SH3GL2: variants seen among roughly 807,000 people sequenced by gnomAD.
The protein encoded by SH3GL2 is SH3 domain containing GRB2 like 2, endophilin A1, also known as endophilin-A1.
In SH3GL2, 24 loss-of-function variants were observed where a neutral mutation model predicts 46.0. That is an observed-to-expected ratio of 0.52 (90% confidence interval 0.38 to 0.73). The LOEUF (loss-of-function observed/expected upper bound fraction) is 0.73, where lower values mean the gene tolerates loss of function less well. Among genes scored for constraint, SH3GL2 ranks in the 30% least tolerant of loss-of-function variants. SH3GL2 has a pLI of 0.00. For missense variants in SH3GL2, 413 were observed against 424.2 expected (o/e 0.97, Z 0.23); for synonymous variants, 196 against 147.1 (o/e 1.33, Z -2.40).
chr9:17,758,840 G>A (rs1391770263), intron 2 of SH3GL2, among the ~76,000 whole-genome samples: 8 of 152,190 alleles, frequency 5.3e-5, no homozygotes, highest in African/African-American at 1.2e-4. Context: ...GCACAAAGTC[G>A]GTAAACATCT....
At chr9:17,723,692 C>T (rs559517143) in intron 1 of SH3GL2, among the ~76,000 whole-genome samples, 8 of 152,200 alleles carry the variant, frequency 5.3e-5, no homozygotes, top group South Asian at 2.1e-4. Flanking sequence ...TGATCTTCTT[C>T]GTCTATTTGC....
At chr9:17,635,349 G>T (rs1262705607) in intron 1 of SH3GL2, among the ~76,000 whole-genome samples, 1 of 152,148 alleles carries the variant, frequency 6.6e-6, no homozygotes, top group Non-Finnish European at 1.5e-5. Context: ...ATTCCATGTT[G>T]TATATGTACC....
rs559333228 is a variant in SH3GL2 at position 17,587,329 on chromosome 9, A to G, written c.45+8042A>G. On this transcript the variant is annotated intron_variant, in intron 1 of 8. Coordinates refer to ENST00000380607, the MANE Select transcript of SH3GL2 (RefSeq NM_003026.5). ...ACAGTGATGGCATCCTGCAGGGGGC[A>G]TTGTGAAATCCCCTGCCTGCCAGTA... 9.2e-4 allele frequency among the ~76,000 whole-genome samples: 140 copies of G among 152,328 alleles called. 1 individual carries two copies. The highest frequency in any genetic ancestry group is 2.8e-3 in the Admixed American group (43 of 15,304).
At chr9:17,718,513 A>C (rs763638181) in intron 1 of SH3GL2, among the ~76,000 whole-genome samples, 2 of 152,124 alleles carry the variant, frequency 1.3e-5, no homozygotes, top group Admixed American at 6.6e-5. Context: ...GCTTGAGCCC[A>C]GGAGTTTGAG....
At chr9:17,663,086 C>T (rs1820263302) in intron 1 of SH3GL2, among the ~76,000 whole-genome samples, 2 of 152,180 alleles carry the variant, frequency 1.3e-5, no homozygotes, top group South Asian at 2.1e-4. Context: ...AAAATATCCT[C>T]AGGCTTTGGG....
At chr9:17,632,506 C>T (rs1819454136) in intron 1 of SH3GL2, among the ~76,000 whole-genome samples, 1 of 152,020 alleles carries the variant, frequency 6.6e-6, no homozygotes, top group African/African-American at 2.4e-5. Context: ...GTGAGCATGC[C>T]CATATTCTTA....
chr9:17,616,912 T>C (rs1035739568), intron 1 of SH3GL2, among the ~76,000 whole-genome samples: 1 of 152,220 alleles, frequency 6.6e-6, no homozygotes, highest in Non-Finnish European at 1.5e-5. Context: ...GTCTGAATTC[T>C]ACTCCTTCCC....
In SH3GL2 at chr9:17,674,370, G is replaced by A. The variant is rs192393791; in HGVS notation, c.46-72696G>A. Among the ~76,000 whole-genome samples the A allele has an allele frequency of 1.2e-4, 19 of 152,154 alleles. No individual in the cohort carries two copies. The East Asian group carries it at 3.3e-3, about 26-fold the overall frequency. Reference sequence around the variant, plus strand: ...AAACCTCCGCCTCACGAGTTCAAGCGATTCTTTTGCCTGAACCTCCTTAGT... The same window carrying A: ...AAACCTCCGCCTCACGAGTTCAAGCAATTCTTTTGCCTGAACCTCCTTAGT... On this transcript the variant is annotated intron_variant, in intron 1 of 8. Transcript: ENST00000380607.
At chr9:17,757,884 A>C (rs1823045574) in intron 2 of SH3GL2, among the ~76,000 whole-genome samples, 1 of 152,204 alleles carries the variant, frequency 6.6e-6, no homozygotes, top group Non-Finnish European at 1.5e-5. Context: ...TGCCAAGTGC[A>C]TAACAAGGCA....
At chr9:17,636,851 G>T (rs146087746) in intron 1 of SH3GL2, among the ~76,000 whole-genome samples, 5 of 152,154 alleles carry the variant, frequency 3.3e-5, no homozygotes, top group Non-Finnish European at 7.3e-5. Context: ...TGCCTGCCCT[G>T]TGTTTCCTGG....
chr9:17,725,269 G>A lies in SH3GL2; in HGVS notation c.46-21797G>A, dbSNP rs187391686. 7.3e-4 allele frequency among the ~76,000 whole-genome samples: 111 copies of A among 152,184 alleles called. 1 individual carries two copies. Among genetic ancestry groups the A allele is most frequent in the African/African-American group, 2.5e-3 (102 of 41,542 alleles). On this transcript the variant is annotated intron_variant, in intron 1 of 8. Coordinates refer to ENST00000380607, the MANE Select transcript of SH3GL2 (RefSeq NM_003026.5). The stretch of plus-strand genomic sequence containing the variant: ...ATTCCACTCGATTTACTCCTGAGTA[G>A]AAATAAAAGAGGTGTGCATTCCAGG...
At chr9:17,609,655 G>A (rs1047789177) in intron 1 of SH3GL2, among the ~76,000 whole-genome samples, 2 of 152,200 alleles carry the variant, frequency 1.3e-5, no homozygotes, top group African/African-American at 4.8e-5. Flanking sequence ...AATATACAAC[G>A]TGAAACGTTT....
intron 1 of SH3GL2, among the ~76,000 whole-genome samples, chr9:17,687,623 A>AT (rs1246989081): frequency 3.3e-5 from 5 of 152,280 alleles, no homozygotes; most frequent in African/African-American, 9.6e-5. Flanking sequence ...AAAACAAACT[A>AT]TAACATACAT....
chr9:17,727,654 C>T (rs1822057239), intron 1 of SH3GL2, among the ~76,000 whole-genome samples: 1 of 152,154 alleles, frequency 6.6e-6, no homozygotes, highest in South Asian at 2.1e-4. Flanking sequence ...CAACCACAGC[C>T]ACTGGGAATG....
intron 1 of SH3GL2, among the ~76,000 whole-genome samples, chr9:17,682,695 AAAGG>A (rs201146653): frequency 0.013 from 1,950 of 152,056 alleles, 57 homozygotes; most frequent in African/African-American, 0.044. Flanking sequence ...AAAAAAAAAA[AAAGG>A]AAAACATGGG....
At chr9:17,658,228 G>A (rs1029314510) in intron 1 of SH3GL2, among the ~76,000 whole-genome samples, 1 of 152,218 alleles carries the variant, frequency 6.6e-6, no homozygotes, top group Non-Finnish European at 1.5e-5. Context: ...CCAGTCTAGA[G>A]CATCTGCCGT....
At chr9:17,793,685 C>A (rs1297026390) in intron 8 of SH3GL2, among the ~76,000 whole-genome samples, 188 bp downstream of exon 8, 1 of 152,106 alleles carries the variant, frequency 6.6e-6, no homozygotes, top group Non-Finnish European at 1.5e-5. Flanking sequence ...TTTACCTTTT[C>A]TTTCCTTCCT....
chr9:17,710,390 C>G (rs1193135300), intron 1 of SH3GL2, among the ~76,000 whole-genome samples: 1 of 151,898 alleles, frequency 6.6e-6, no homozygotes, highest in African/African-American at 2.4e-5. Flanking sequence ...CGGACTAATA[C>G]AGGGACCATT....
chr9:17,761,380 C>T, intron 2 of SH3GL2, 57 bp from the exon 3 acceptor site: 1 of 1,096,228 alleles, frequency 9.1e-7, no homozygotes. Flanking sequence ...CAACCAAAAA[C>T]CGGTATTCTA....
Sources: allele counts gnomAD v4.1 joint callset (sites outside exome capture counted in the v4.1 genomes callset), GRCh38; gene constraint gnomAD v4.1.1; transcripts MANE v1.5; gene names NCBI Gene and HGNC (gene_info 2026-07-23, HGNC 2026-07-21).